The following ZNF644 variants were observed in gnomAD, a reference collection of about 807,000 sequenced individuals.
ZNF644 encodes the protein zinc finger protein 644.
Under a neutral mutation model 108.0 loss-of-function variants are expected in ZNF644, and 20 were observed. The ratio of observed to expected loss-of-function variants is 0.19; its 90% CI spans 0.13 to 0.27. ZNF644 has a LOEUF of 0.27. Among genes scored for constraint, ZNF644 ranks in the 10% least tolerant of loss-of-function variants. ZNF644 has a pLI of 1.00. For synonymous variants in ZNF644, 542 were observed against 539.1 expected (o/e 1.01, Z -0.08); for missense variants, 1,338 against 1,548.9 (o/e 0.86, Z 2.29).
intron 2 of ZNF644, among the ~76,000 whole-genome samples, chr1:90,948,591 T>C (rs1652753538): frequency 6.6e-6 from 1 of 152,226 alleles, no homozygotes; most frequent in South Asian, 2.1e-4. Context: ...TCCTTAAATG[T>C]AGGTTTCACA....
At chr1:90,927,397 C>T (rs1174758297) in intron 4 of ZNF644, among the ~76,000 whole-genome samples, 3 of 152,096 alleles carry the variant, frequency 2.0e-5, no homozygotes, top group Non-Finnish European at 4.4e-5. Context: ...TAGCCTAATT[C>T]TTGCTGGAAT....
intron 4 of ZNF644, among the ~76,000 whole-genome samples, chr1:90,933,801 A>T (rs1651023601): frequency 6.6e-6 from 1 of 152,230 alleles, no homozygotes; most frequent in East Asian, 1.9e-4. Flanking sequence ...ATAGTGATTA[A>T]AAACAAAGAT....
intron 2 of ZNF644, among the ~76,000 whole-genome samples, chr1:90,946,419 T>C (rs999761734): frequency 2.6e-5 from 4 of 152,108 alleles, no homozygotes; most frequent in Non-Finnish European, 4.4e-5. Context: ...GACAGGAATA[T>C]GGAGTTGAGG....
At position 90,940,997 on chromosome 1, in the gene ZNF644, T is replaced by C. The variant is rs751893670; in HGVS notation, c.357A>G (p.Pro119=). Residue 119 remains proline (P), a synonymous_variant, in exon 3 of 6, where the codon CCA becomes CCG. Transcript: ENST00000337393. ...TCTTAGTTAAGGAGGAGTGTGAAAC[T>C]GGTCCATTAACAGCAGCTCCTTTAG... is the stretch of plus-strand genomic sequence containing the variant. ...ILPKGAAVNG[P]VSHSSLTKTS... 8.1e-6 allele frequency: 13 copies of C among 1,614,126 alleles called. No individual in the cohort carries two copies. The highest frequency in any genetic ancestry group is 1.1e-5 in the South Asian group (1 of 91,082).
At chr1:90,919,001 A>G (rs916706841) in intron 4 of ZNF644, among the ~76,000 whole-genome samples, 3 of 152,114 alleles carry the variant, frequency 2.0e-5, no homozygotes, top group Non-Finnish European at 2.9e-5. Context: ...ATTAAAATAG[A>G]CCAAAATTTT....
chr1:90,938,238 C>A lies in ZNF644; in HGVS notation c.3082+34G>T. 4 of 1,613,802 alleles carry A rather than the reference C, an allele frequency of 2.5e-6. No individual in the cohort carries two copies. The highest frequency in any genetic ancestry group is 3.4e-6 in the Non-Finnish European group (4 of 1,179,784). On this transcript the variant is annotated intron_variant, in intron 3 of 5. Transcript: ENST00000337393. The surrounding 1 kb of genome is among the most constrained non-coding windows in gnomAD (Gnocchi z 4.2). ...AAATCTTCAGAATTAGAACACAGAC[C>A]TATCAGCCCAAATCATCCCCATGGA...
chr1:90,966,942 G>A (rs1334907539), intron 2 of ZNF644, among the ~76,000 whole-genome samples: 1 of 152,010 alleles, frequency 6.6e-6, no homozygotes, highest in Non-Finnish European at 1.5e-5. Context: ...GTTTCTTAAA[G>A]TTAATGCATG....
intron 1 of ZNF644, among the ~76,000 whole-genome samples, chr1:91,000,874 A>C (rs1214759144): frequency 6.6e-6 from 1 of 152,234 alleles, no homozygotes; most frequent in African/African-American, 2.4e-5. Flanking sequence ...TCCCACACAA[A>C]TACAAACTAC....
At chr1:90,999,036 G>A (rs1658477119) in intron 1 of ZNF644, among the ~76,000 whole-genome samples, 1 of 152,182 alleles carries the variant, frequency 6.6e-6, no homozygotes, top group Admixed American at 6.5e-5. Flanking sequence ...GGAAATATGG[G>A]ACTATGTGAA....
rs138687974 is a variant in ZNF644, at chr1:90,937,972, C to T, written c.3201G>A (p.Thr1067=). The change falls in exon 4 of 6, where the codon ACG becomes ACA. Residue 1067 remains threonine, a synonymous_variant. Coordinates refer to ENST00000337393, the MANE Select transcript of ZNF644 (RefSeq NM_201269.3). ...VRGHLKRLGK[T]KWDAHKSPIC... ...TTGGAGATTTGTGAGCATCCCATTT[C>T]GTCTTTCCAAGTCTTTTCAAGTGGC... is the stretch of plus-strand genomic sequence containing the variant. 47 of 1,612,470 alleles carry T rather than the reference C, an allele frequency of 2.9e-5. No homozygotes were observed. Among genetic ancestry groups the T allele is most frequent in the Non-Finnish European group, 3.5e-5 (41 of 1,179,832 alleles).
At chr1:91,014,117 C>T (rs1660219815) in intron 1 of ZNF644, among the ~76,000 whole-genome samples, 1 of 152,040 alleles carries the variant, frequency 6.6e-6, no homozygotes, top group African/African-American at 2.4e-5. Flanking sequence ...TTTTGAAATA[C>T]ATATAAATTA....
chr1:90,949,865 C>T (rs1463346346), intron 2 of ZNF644, among the ~76,000 whole-genome samples: 1 of 152,134 alleles, frequency 6.6e-6, no homozygotes, highest in Admixed American at 6.5e-5. Context: ...TTTTAGTTAG[C>T]AGCTAAATTT....
At chr1:90,993,761 G>C (rs1019068522) in intron 1 of ZNF644, among the ~76,000 whole-genome samples, 1 of 152,162 alleles carries the variant, frequency 6.6e-6, no homozygotes, top group Non-Finnish European at 1.5e-5. Context: ...CATTTTGTAA[G>C]TAATGTCACC....
At chr1:91,015,026 T>C (rs1660311982) in intron 1 of ZNF644, among the ~76,000 whole-genome samples, 1 of 152,202 alleles carries the variant, frequency 6.6e-6, no homozygotes, top group Admixed American at 6.5e-5. Flanking sequence ...CATCTGTCTT[T>C]AATACTAATA....
At chr1:90,988,339 T>A (rs1403063401) in intron 1 of ZNF644, among the ~76,000 whole-genome samples, 5 of 152,050 alleles carry the variant, frequency 3.3e-5, no homozygotes, top group Non-Finnish European at 7.4e-5. Context: ...TAACCAAGGA[T>A]CCAACAGACT....
intron 1 of ZNF644, among the ~76,000 whole-genome samples, chr1:90,995,398 G>A (rs779573718): frequency 6.6e-5 from 10 of 152,048 alleles, no homozygotes; most frequent in African/African-American, 2.4e-4. Flanking sequence ...GAGACCAGTA[G>A]GACACTATTA....
chr1:90,930,123 C>T (rs188634457), intron 4 of ZNF644, among the ~76,000 whole-genome samples: 211 of 152,282 alleles, frequency 1.4e-3, no homozygotes, highest in African/African-American at 5.0e-3. Context: ...CCCATCTCTA[C>T]TAAAAATACA....
intron 2 of ZNF644, among the ~76,000 whole-genome samples, chr1:90,977,794 A>G (rs1656154906): frequency 6.6e-6 from 1 of 152,222 alleles, no homozygotes; most frequent in Admixed American, 6.5e-5. Context: ...AGCAGTACTT[A>G]TATACAGGCA....
intron 1 of ZNF644, among the ~76,000 whole-genome samples, chr1:91,006,640 T>C (rs906682271): frequency 6.6e-6 from 1 of 152,158 alleles, no homozygotes; most frequent in Non-Finnish European, 1.5e-5. Context: ...TTTTTTTCTC[T>C]AAAGACATGC....
Sources: allele counts gnomAD v4.1 joint callset (sites outside exome capture counted in the v4.1 genomes callset), GRCh38; gene constraint gnomAD v4.1.1; non-coding constraint Gnocchi (gnomAD v3.1); transcripts MANE v1.5; gene names NCBI Gene and HGNC (gene_info 2026-07-23, HGNC 2026-07-21).